RARB: variants seen among roughly 807,000 people sequenced by gnomAD.
RARB encodes the protein HBV-activated protein.
A neutral mutation model predicts 51.9 loss-of-function variants in RARB; 17 were observed. That is an observed-to-expected ratio of 0.33 (90% CI 0.22 to 0.49). RARB has a LOEUF of 0.49. RARB is among the 20% of genes least tolerant of loss of function. The pLI is 0.99. For synonymous variants in RARB, 215 were observed against 195.4 expected, an observed-to-expected ratio of 1.10 and a Z score of -0.84; for missense variants, 369 against 550.8, an observed-to-expected ratio of 0.67 and a Z score of 3.30.
intron 5 of RARB, among the ~76,000 whole-genome samples, chr3:25,253,160 C>G (rs1329774745): frequency 6.6e-6 from 1 of 152,120 alleles, no homozygotes; most frequent in Non-Finnish European, 1.5e-5. Flanking sequence ...CTAGTACTAC[C>G]AAAGAGTTCT....
At chr3:25,572,772 A>C (rs1700756659) in intron 4 of RARB, among the ~76,000 whole-genome samples, 1 of 152,138 alleles carries the variant, frequency 6.6e-6, no homozygotes, top group Non-Finnish European at 1.5e-5. Flanking sequence ...TTTATATGGC[A>C]ATACCTAGGG....
intron 5 of RARB, among the ~76,000 whole-genome samples, chr3:25,264,347 G>A (rs1054447040): frequency 6.6e-6 from 1 of 151,412 alleles, no homozygotes; most frequent in East Asian, 1.9e-4. Flanking sequence ...TAATAGACAT[G>A]ATGGGCAAGA....
At chr3:25,466,020 G>T (rs1329413392) in intron 2 of RARB, among the ~76,000 whole-genome samples, 1 of 152,094 alleles carries the variant, frequency 6.6e-6, no homozygotes, top group Non-Finnish European at 1.5e-5. Flanking sequence ...TAAGCTTGGT[G>T]CAACTCTCTC....
intron 5 of RARB, among the ~76,000 whole-genome samples, chr3:25,229,156 A>C (rs915292937): frequency 1.3e-5 from 2 of 152,108 alleles, no homozygotes; most frequent in Non-Finnish European, 2.9e-5. Context: ...TTTACACCCC[A>C]ACTTGGAGCA....
At chr3:24,935,961 G>A (rs2125396666) in intron 2 of RARB, among the ~76,000 whole-genome samples, 1 of 152,206 alleles carries the variant, frequency 6.6e-6, no homozygotes, top group African/African-American at 2.4e-5. Context: ...TTCATGATAT[G>A]TTAGGAAAAT....
chr3:24,964,336 A>C (rs1453035784), intron 2 of RARB, among the ~76,000 whole-genome samples: 2 of 152,180 alleles, frequency 1.3e-5, no homozygotes, highest in Non-Finnish European at 2.9e-5. Context: ...GCTAACCCTC[A>C]TTAAGAGAGA....
At chr3:24,834,474 G>C (rs773397471) in intron 1 of RARB, among the ~76,000 whole-genome samples, 1 of 152,170 alleles carries the variant, frequency 6.6e-6, no homozygotes, top group Non-Finnish European at 1.5e-5. Flanking sequence ...ATATTTGAGT[G>C]AGAAGTATCA....
intron 2 of RARB, among the ~76,000 whole-genome samples, chr3:25,034,750 G>A (rs752590769): frequency 2.6e-5 from 4 of 152,004 alleles, no homozygotes; most frequent in South Asian, 2.1e-4. Context: ...CTCACAGAAC[G>A]AATGATTTGA....
chr3:24,831,881 A>G (rs1238327660), intron 1 of RARB, among the ~76,000 whole-genome samples: 1 of 152,208 alleles, frequency 6.6e-6, no homozygotes. Context: ...ACATTGTGTG[A>G]TGAAGCAGTT....
intron 5 of RARB, among the ~76,000 whole-genome samples, chr3:25,398,789 A>G (rs1707185484): frequency 6.6e-6 from 1 of 152,218 alleles, no homozygotes; most frequent in African/African-American, 2.4e-5. Flanking sequence ...AAATAACTGT[A>G]TAAATACATG....
At chr3:25,588,257 AAG>A (rs1162033349) in intron 5 of RARB, among the ~76,000 whole-genome samples, 6 of 152,264 alleles carry the variant, frequency 3.9e-5, no homozygotes, top group Non-Finnish European at 5.9e-5. Context: ...GCGGACACAA[AAG>A]AGAATATTCT....
At chr3:25,412,637 T>C (rs1249476018) in intron 5 of RARB, among the ~76,000 whole-genome samples, 2 of 152,306 alleles carry the variant, frequency 1.3e-5, no homozygotes, top group Middle Eastern at 3.4e-3. Context: ...AAAACATTTA[T>C]AGAAAGGAAT....
At position 25,117,168 on chromosome 3, in the gene RARB, G is replaced by A. The variant is rs541062834; in HGVS notation, c.-327-14993G>A. Among the ~76,000 whole-genome samples the A allele has an allele frequency of 7.9e-5, 12 of 152,218 alleles. No individual in the cohort carries two copies. In the South Asian group the frequency reaches 8.3e-4, roughly 11 times the overall value. On this transcript the variant is annotated intron_variant, in intron 3 of 11. Transcript: ENST00000383772. Reference sequence around the variant, plus strand: ...GCAATAAACAGGGCAGATAGAGCCCGCGTCCTACAGCATGGCAGAGAACAA... The same window carrying A: ...GCAATAAACAGGGCAGATAGAGCCCACGTCCTACAGCATGGCAGAGAACAA...
At chr3:25,340,466 A>G (rs1043517050) in intron 5 of RARB, among the ~76,000 whole-genome samples, 2 of 152,142 alleles carry the variant, frequency 1.3e-5, no homozygotes, top group African/African-American at 4.8e-5. Flanking sequence ...TTTTGTAGAG[A>G]GAGGAAATAG....
At chr3:25,545,328 A>G (rs1575505044) in intron 3 of RARB, among the ~76,000 whole-genome samples, 3 of 152,274 alleles carry the variant, frequency 2.0e-5, no homozygotes, top group South Asian at 2.1e-4. Context: ...CTGAACCACA[A>G]GGAAGCTCTC....
chr3:25,490,058 G>T (rs1253234685), intron 2 of RARB, among the ~76,000 whole-genome samples: 1 of 152,126 alleles, frequency 6.6e-6, no homozygotes, highest in African/African-American at 2.4e-5. Context: ...GAAGCAGAAG[G>T]CTACATCCAA....
intron 1 of RARB, among the ~76,000 whole-genome samples, chr3:25,434,570 C>G (rs1708350832): frequency 7.5e-6 from 1 of 132,842 alleles, no homozygotes; most frequent in African/African-American, 2.8e-5. Context: ...GAGATGGAGT[C>G]TCGCCCTGTT....
At chr3:25,464,971 G>C (rs1427175706) in intron 2 of RARB, among the ~76,000 whole-genome samples, 1 of 151,888 alleles carries the variant, frequency 6.6e-6, no homozygotes, top group African/African-American at 2.4e-5. Context: ...ACTGATTAAG[G>C]TGCTTACAGT....
At position 24,990,716 on chromosome 3, in the gene RARB, C is replaced by T. The variant is rs566899265; in HGVS notation, c.-379-69409C>T. On this transcript the variant is annotated intron_variant, in intron 2 of 11. Coordinates refer to the RARB transcript ENST00000383772. ...CACCCTGCTCTTTGGCTTGTATAGT[C>T]CTGCCTCCTCATTATTACTCTTCTT... Among the ~76,000 whole-genome samples, 2 of 42,058 alleles carry T rather than the reference C, an allele frequency of 4.8e-5. 1 individual carries two copies. Among genetic ancestry groups the T allele is most frequent in the Non-Finnish European group, 9.1e-5 (2 of 22,074 alleles). The allele number at this position is 42,058 out of a possible 152,430, so 27.6% of individuals were successfully genotyped here.
Sources: allele counts gnomAD v4.1 joint callset (sites outside exome capture counted in the v4.1 genomes callset), GRCh38; gene constraint gnomAD v4.1.1; transcripts MANE v1.5; gene names NCBI Gene and HGNC (gene_info 2026-07-23, HGNC 2026-07-21).